The following ASTN1 variants were observed in gnomAD, a reference collection of about 807,000 sequenced individuals.
ASTN1 encodes astrotactin-1.
In ASTN1, 41 loss-of-function variants were observed where a neutral mutation model predicts 140.7. The ratio of observed to expected loss-of-function variants is 0.29; its 90% confidence interval spans 0.23 to 0.38. The LOEUF is 0.38. Ranked by LOEUF, ASTN1 falls within the 10% of genes least tolerant of loss-of-function variation. The pLI, the probability that ASTN1 is intolerant of heterozygous loss-of-function variation, is 1.00. For missense variants in ASTN1, 1,479 were observed against 1,678.8 expected (o/e 0.88, Z 2.08); for synonymous variants, 640 against 652.2 (o/e 0.98, Z 0.29).
At chr1:177,010,924 T>C (rs1675259007) in intron 8 of ASTN1, among the ~76,000 whole-genome samples, 1 of 152,208 alleles carries the variant, frequency 6.6e-6, no homozygotes, top group Non-Finnish European at 1.5e-5. Context: ...TTAAATTTAA[T>C]ATGAAAGGTC....
intron 7 of ASTN1, among the ~76,000 whole-genome samples, chr1:177,023,009 G>T (rs182693549): frequency 3.0e-4 from 45 of 152,306 alleles, no homozygotes; most frequent in African/African-American, 1.0e-3. Context: ...CCAGGAGATA[G>T]AAATATTGAT....
intron 1 of ASTN1, among the ~76,000 whole-genome samples, chr1:177,160,947 T>G (rs1647326006): frequency 6.6e-6 from 1 of 152,202 alleles, no homozygotes; most frequent in African/African-American, 2.4e-5. Flanking sequence ...GTGAGAAGTA[T>G]AGCAATCTAG....
At chr1:177,068,631 G>C (rs1012231795) in intron 1 of ASTN1, among the ~76,000 whole-genome samples, 1 of 152,066 alleles carries the variant, frequency 6.6e-6, no homozygotes, top group African/African-American at 2.4e-5. Context: ...ATTTCTCTAG[G>C]AATTGTCCAG....
chr1:176,946,226 CA>C, intron 12 of ASTN1, 106 bp from the exon 13 acceptor site: 1 of 1,091,872 alleles, frequency 9.2e-7, no homozygotes, highest in Non-Finnish European at 1.3e-6. Context: ...CATGTTGGAT[CA>C]CCAAAGATTA....
intron 2 of ASTN1, among the ~76,000 whole-genome samples, chr1:177,040,096 C>G (rs1421568769): frequency 6.6e-6 from 1 of 152,254 alleles, no homozygotes; most frequent in African/African-American, 2.4e-5. Context: ...GGCAGGTTCT[C>G]TTTTCTGTGG....
chr1:176,928,044 T>C (rs56247555), intron 16 of ASTN1, among the ~76,000 whole-genome samples: 27,498 of 150,994 alleles, frequency 0.18, 2,692 homozygotes, highest in African/African-American at 0.25. Context: ...ATTATATATA[T>C]GCACAAACTC....
chr1:177,158,655 C>CGG (rs1553265015), intron 1 of ASTN1, among the ~76,000 whole-genome samples: 1 of 142,612 alleles, frequency 7.0e-6, no homozygotes, highest in Admixed American at 7.1e-5. Flanking sequence ...GAAAAAAGTA[C>CGG]GTGTGTGTGT....
intron 1 of ASTN1, among the ~76,000 whole-genome samples, chr1:177,128,856 C>T (rs1029896283): frequency 2.0e-5 from 3 of 152,182 alleles, no homozygotes; most frequent in African/African-American, 7.2e-5. Flanking sequence ...AATCACTTAT[C>T]TCCACTCTGT....
At chr1:177,097,314 TATG>T (rs1167365589) in intron 1 of ASTN1, among the ~76,000 whole-genome samples, 2 of 152,188 alleles carry the variant, frequency 1.3e-5, no homozygotes, top group African/African-American at 4.8e-5. Flanking sequence ...CTTTATTTCA[TATG>T]ATAATTTTTC....
At chr1:176,938,918 A>G (rs1671564378) in intron 14 of ASTN1, among the ~76,000 whole-genome samples, 2 of 152,082 alleles carry the variant, frequency 1.3e-5, no homozygotes, top group Non-Finnish European at 2.9e-5. Context: ...GTTTGGGACC[A>G]GCCTGGCCAA....
At chr1:177,105,722 A>C (rs952731778) in intron 1 of ASTN1, among the ~76,000 whole-genome samples, 2 of 152,124 alleles carry the variant, frequency 1.3e-5, no homozygotes, top group Non-Finnish European at 2.9e-5. Context: ...CTGATTGAGA[A>C]ATTGGTATAT....
chr1:177,109,258 T>C (rs1680698512), intron 1 of ASTN1, among the ~76,000 whole-genome samples: 1 of 152,090 alleles, frequency 6.6e-6, no homozygotes, highest in Non-Finnish European at 1.5e-5. Context: ...AAATATGTAG[T>C]AAACCTAAGA....
chr1:176,916,824 A>G (rs1164491970), intron 16 of ASTN1, among the ~76,000 whole-genome samples: 1 of 152,062 alleles, frequency 6.6e-6, no homozygotes, highest in Non-Finnish European at 1.5e-5. Context: ...GAAATCCTTT[A>G]GTAGCTCTCA....
chr1:177,135,334 C>A (rs909728780), intron 1 of ASTN1, among the ~76,000 whole-genome samples: 2 of 151,646 alleles, frequency 1.3e-5, no homozygotes, highest in Non-Finnish European at 2.9e-5. Context: ...CCTGCTAATC[C>A]AGCCAATACC....
At chr1:177,149,595 CACT>C (rs1682929175) in intron 1 of ASTN1, among the ~76,000 whole-genome samples, 1 of 82,064 alleles carries the variant, frequency 1.2e-5, no homozygotes, top group East Asian at 3.5e-4. Context: ...AATATATATA[CACT>C]GTATATATAT....
rs138337180 is a variant in ASTN1 at position 177,089,353 on chromosome 1, G to A, written c.284-28088C>T. Among the ~76,000 whole-genome samples, 1,287 of 152,206 alleles carry A rather than the reference G, an allele frequency of 8.5e-3. 61 individuals carry two copies. The highest frequency in any genetic ancestry group is 0.075 in the Admixed American group (1,146 of 15,286). ...CTAATAACAAAAGCTCCTGTGAGGG[G>A]AAATTAAAGCCATTGTTATTATTTG... On this transcript the variant is annotated intron_variant, in intron 1 of 22. Transcript: ENST00000361833.
intron 18 of ASTN1, among the ~76,000 whole-genome samples, chr1:176,886,126 G>A (rs1669022205): frequency 6.6e-6 from 1 of 152,118 alleles, no homozygotes; most frequent in Non-Finnish European, 1.5e-5. Flanking sequence ...CCTCTTCTGA[G>A]AAATAGAAGT....
intron 1 of ASTN1, among the ~76,000 whole-genome samples, chr1:177,151,186 G>C (rs1366878148): frequency 6.6e-6 from 1 of 151,994 alleles, no homozygotes; most frequent in Non-Finnish European, 1.5e-5. Flanking sequence ...GAAATTGTAT[G>C]GGCCTAGAAG....
intron 17 of ASTN1, among the ~76,000 whole-genome samples, chr1:176,893,489 T>C (rs1669356392): frequency 6.6e-6 from 1 of 152,200 alleles, no homozygotes; most frequent in Non-Finnish European, 1.5e-5. Context: ...TTTTTGCTCC[T>C]GTGAAAAACC....
Sources: gnomAD v4.1 joint callset for allele counts (sites outside exome capture counted in the v4.1 genomes callset) on GRCh38, gnomAD v4.1.1 for gene constraint, MANE v1.5 for transcripts, NCBI Gene and HGNC (gene_info 2026-07-23, HGNC 2026-07-21) for gene names.